KPNA6: variants seen among roughly 807,000 people sequenced by gnomAD.
KPNA6 encodes the protein karyopherin subunit alpha 6.
Under a neutral mutation model 72.0 loss-of-function variants are expected in KPNA6, and 9 were observed. The ratio of observed to expected loss-of-function variants is 0.13; its 90% confidence interval spans 0.08 to 0.22. The LOEUF (loss-of-function observed/expected upper bound fraction) is 0.22, where lower values mean the gene tolerates loss of function less well. Among genes scored for constraint, KPNA6 ranks in the 10% least tolerant of loss-of-function variants. KPNA6 has a pLI of 1.00. For synonymous variants in KPNA6, 219 were observed against 242.1 expected (o/e 0.90, Z 0.89); for missense variants, 374 against 655.7 (o/e 0.57, Z 4.69).
chr1:32,140,309 A>ATTTT (rs1306410537), intron 1 of KPNA6, among the ~76,000 whole-genome samples: 20 of 152,040 alleles, frequency 1.3e-4, no homozygotes, highest in African/African-American at 4.8e-4. Flanking sequence ...GCTTGAACCC[A>ATTTT]GGAGGCAGAG....
At chr1:32,158,156 A>T in intron 4 of KPNA6, 111 bp from the exon 5 acceptor site, 1 of 665,042 alleles carries the variant, frequency 1.5e-6, no homozygotes, top group Non-Finnish European at 2.7e-6. Flanking sequence ...GGAGTTTGGG[A>T]ATGTTTGTAA....
At chr1:32,117,710 T>C (rs1477955101) in intron 1 of KPNA6, among the ~76,000 whole-genome samples, 1 of 152,112 alleles carries the variant, frequency 6.6e-6, no homozygotes, top group East Asian at 1.9e-4. Flanking sequence ...TATATATTCA[T>C]TTAATTCTCA....
intron 1 of KPNA6, among the ~76,000 whole-genome samples, chr1:32,133,111 A>C (rs2124537039): frequency 6.6e-6 from 1 of 152,164 alleles, no homozygotes; most frequent in Admixed American, 6.5e-5. Context: ...TGGGAGGCTA[A>C]GGCAGGCAGA....
rs879224843 is a variant in KPNA6, at chr1:32,162,388, C to T, written c.775C>T (p.Arg259Cys). The change falls in exon 9 of 14, where the codon CGC (arginine) becomes TGC (cysteine). Residue 259 changes from arginine (R) to cysteine (C), a missense_variant. By Grantham distance (180) the Arg-to-Cys change is radical (BLOSUM62 -3). Transcript: ENST00000373625. ...CTCTCCTTGTTTGCCTGTACTGTCT[C>T]GCCTACTCTTCAGCAGCGACTCGGA... The part of the protein sequence containing the change: ...KVSPCLPVLS[R>C]LLFSSDSDLL... The T allele has an allele frequency of 6.2e-7, 1 of 1,610,094 alleles. No individual in the cohort carries two copies. The highest frequency in any genetic ancestry group is 8.5e-7 in the Non-Finnish European group (1 of 1,177,952).
chr1:32,162,390 C>G lies in KPNA6; in HGVS notation c.777C>G (p.Arg259=), dbSNP rs1238187093. The G allele has an allele frequency of 6.2e-7, 1 of 1,611,126 alleles. No individual in the cohort carries two copies. The highest frequency in any genetic ancestry group is 8.5e-7 in the Non-Finnish European group (1 of 1,178,516). ...CTCCTTGTTTGCCTGTACTGTCTCGCCTACTCTTCAGCAGCGACTCGGACT... is the reference window on the plus strand; with the variant it reads ...CTCCTTGTTTGCCTGTACTGTCTCGGCTACTCTTCAGCAGCGACTCGGACT... ...KVSPCLPVLS[R]LLFSSDSDLL... Residue 259 remains arginine (R), a synonymous_variant, in exon 9 of 14, where the codon CGC becomes CGG. Transcript: ENST00000373625.
intron 1 of KPNA6, among the ~76,000 whole-genome samples, chr1:32,127,658 C>T (rs1277367051): frequency 1.3e-5 from 2 of 152,272 alleles, no homozygotes; most frequent in African/African-American, 2.4e-5. Flanking sequence ...GGTAACCAGC[C>T]GTTTTGCTAT....
At chr1:32,154,820 C>A in intron 2 of KPNA6, 99 bp downstream of exon 2, 1 of 1,313,234 alleles carries the variant, frequency 7.6e-7, no homozygotes, top group Middle Eastern at 2.7e-4. Context: ...AGAAAAGTAG[C>A]TTACTAGGTG....
At chr1:32,158,393 C>A (rs776696710) in intron 5 of KPNA6, 32 bp downstream of exon 5, 26 of 1,437,480 alleles carry the variant, frequency 1.8e-5, no homozygotes, top group Non-Finnish European at 2.2e-5. Context: ...TTTGTTTTGT[C>A]TTTTAATTTT....
chr1:32,163,635 A>G (rs1358283216), intron 10 of KPNA6, among the ~76,000 whole-genome samples: 2 of 152,204 alleles, frequency 1.3e-5, no homozygotes, highest in African/African-American at 4.8e-5. Context: ...CCTTTGAGAT[A>G]CTGAAAGCTA....
chr1:32,117,164 ATTTGTTTTTT>A (rs2124522548), intron 1 of KPNA6, among the ~76,000 whole-genome samples: 1 of 150,936 alleles, frequency 6.6e-6, no homozygotes, highest in Non-Finnish European at 1.5e-5. Flanking sequence ...CAAACCTTCA[ATTTGTTTTTT>A]TTTGTTTTTT....
intron 11 of KPNA6, 37 bp from the exon 12 acceptor site, chr1:32,167,130 CTT>C: frequency 6.2e-7 from 1 of 1,605,360 alleles, no homozygotes; most frequent in Non-Finnish European, 8.5e-7. Flanking sequence ...GCTGAAATGA[CTT>C]TCTCCTTCCA....
intron 1 of KPNA6, among the ~76,000 whole-genome samples, chr1:32,134,344 AG>A (rs1470298012): frequency 2.6e-5 from 4 of 151,886 alleles, no homozygotes; most frequent in Non-Finnish European, 4.4e-5. Context: ...ACAAAAGCTT[AG>A]GGGGGTTGTT....
At position 32,173,747 on chromosome 1, in the gene KPNA6, A is replaced by G. The variant is rs1429715214; in HGVS notation, c.*2853A>G. ...TTCCATACCCTGGCCTAGGCGAGGT[A>G]AGGCTCTCTGGTTATTGCCAGGATG... On this transcript the variant is annotated 3_prime_UTR_variant, in exon 14 of 14. Coordinates refer to ENST00000373625, the MANE Select transcript of KPNA6 (RefSeq NM_012316.5). 1 of 152,200 alleles carries G rather than the reference A, an allele frequency of 6.6e-6. No homozygotes were observed. Among genetic ancestry groups the G allele is most frequent in the East Asian group, 1.9e-4 (1 of 5,194 alleles). 9.4% of individuals were successfully genotyped at this position (152,200 alleles called of 1,614,324 possible). A position where few individuals can be genotyped will look rare whatever the true frequency, so the allele number is the denominator to read the frequency against.
chr1:32,169,751 C>T lies in KPNA6; in HGVS notation c.1245-131C>T, dbSNP rs866839498. The T allele has an allele frequency of 8.5e-5, 66 of 773,888 alleles. 1 individual carries two copies. Among genetic ancestry groups the T allele is most frequent in the Admixed American group, 7.3e-4 (27 of 36,822 alleles). 47.9% of individuals were successfully genotyped at this position (773,888 alleles called of 1,614,324 possible). Reference sequence around the variant, plus strand: ...CTGGGATCACAGGTGTGAACCACCGCGCTCGGCCTCACAATTCTTAAAAAT... The same window carrying T: ...CTGGGATCACAGGTGTGAACCACCGTGCTCGGCCTCACAATTCTTAAAAAT... On this transcript the variant is annotated intron_variant, in intron 12 of 13. Coordinates refer to ENST00000373625, the MANE Select transcript of KPNA6 (RefSeq NM_012316.5).
intron 4 of KPNA6, 35 bp downstream of exon 4, chr1:32,157,480 A>G (rs1557479918): frequency 6.9e-7 from 1 of 1,459,256 alleles, no homozygotes; most frequent in Non-Finnish European, 9.6e-7. Flanking sequence ...GAGGCCTTAT[A>G]TGATTTAGCC....
chr1:32,166,080 G>GT lies in KPNA6; in HGVS notation c.991-22dup, dbSNP rs752073055. The GT allele has an allele frequency of 7.7e-6, 12 of 1,564,468 alleles. No homozygotes were observed. In the Admixed American group the frequency reaches 1.1e-4, roughly 14 times the overall value. ...TTAAAAACAGTTTAATTTTTCTTTT[G>GT]TTTCCTGTGCTTTTGGTGTTCTAGG... is the stretch of plus-strand genomic sequence containing the variant. On this transcript the variant is annotated intron_variant, in intron 10 of 13. Coordinates refer to ENST00000373625, the MANE Select transcript of KPNA6 (RefSeq NM_012316.5).
In KPNA6 at chr1:32,173,176, A is replaced by AAAG; in HGVS notation, c.*2284_*2285insGAA. Reference sequence around the variant, plus strand: ...AAAAAACCATTCTCTTACAGTTTAAAAAAAAAAAAAAAAAAAAAGCCTTCC... The same window carrying AAAG: ...AAAAAACCATTCTCTTACAGTTTAAAAAGAAAAAAAAAAAAAAAAAAGCCTTCC... On this transcript the variant is annotated 3_prime_UTR_variant, in exon 14 of 14. Transcript: ENST00000373625. The AAAG allele has an allele frequency of 3.7e-6, 1 of 269,612 alleles. No individual in the cohort carries two copies. Among genetic ancestry groups the AAAG allele is most frequent in the African/African-American group, 2.2e-5 (1 of 44,970 alleles). The allele number at this position is 269,612 out of a possible 1,614,324, so 16.7% of individuals were successfully genotyped here. A position where few individuals can be genotyped will look rare whatever the true frequency, so the allele number is the denominator to read the frequency against.
intron 1 of KPNA6, among the ~76,000 whole-genome samples, chr1:32,131,272 G>C (rs561762364): frequency 6.6e-6 from 1 of 152,142 alleles, no homozygotes; most frequent in Non-Finnish European, 1.5e-5. Context: ...CCCGCTGGGC[G>C]ACAAGAGCGA....
intron 1 of KPNA6, among the ~76,000 whole-genome samples, chr1:32,130,917 C>T (rs924187190): frequency 2.1e-4 from 32 of 151,858 alleles, no homozygotes; most frequent in African/African-American, 7.0e-4. Flanking sequence ...TAATTTGGAC[C>T]CCTGCCTCAC....
Sources: gnomAD v4.1 joint callset for allele counts (sites outside exome capture counted in the v4.1 genomes callset) on GRCh38, gnomAD v4.1.1 for gene constraint, MANE v1.5 for transcripts, NCBI Gene and HGNC (gene_info 2026-07-23, HGNC 2026-07-21) for gene names.